FOCAD: variants seen among roughly 807,000 people sequenced by gnomAD.
FOCAD encodes the protein focadhesin.
FOCAD carries 198 observed loss-of-function variants against 225.6 expected under a neutral mutation model. The observed-to-expected ratio is 0.88, with a 90% CI of 0.78 to 0.99. The LOEUF is 0.99. FOCAD is among the 50% of genes least tolerant of loss of function. The pLI, the probability that FOCAD is intolerant of heterozygous loss-of-function variation, is 0.00. For synonymous variants in FOCAD, 897 were observed against 755.0 expected (o/e 1.19, Z -3.08); for missense variants, 2,713 against 2,123.6 (o/e 1.28, Z -5.46).
chr9:20,790,148 C>G (rs1820373404), intron 11 of FOCAD, among the ~76,000 whole-genome samples: 1 of 152,118 alleles, frequency 6.6e-6, no homozygotes, highest in African/African-American at 2.4e-5. Context: ...ATTTTTCTTC[C>G]TAACTGCACA....
chr9:20,988,446 T>C lies in FOCAD; in HGVS notation c.5004+17T>C, dbSNP rs1290062368. On this transcript the variant is annotated intron_variant, in intron 41 of 43. Transcript: ENST00000338382. ...CTTGACAAGGTAAAATCTAGAGGAG[T>C]AGTTTATAGCTTCCTTAAAATACAG... The C allele has an allele frequency of 7.1e-7, 1 of 1,416,026 alleles. No homozygotes were observed. Among genetic ancestry groups the C allele is most frequent in the African/African-American group, 1.4e-5 (1 of 70,088 alleles). 87.7% of individuals were successfully genotyped at this position (1,416,026 alleles called of 1,614,324 possible). A position where few individuals can be genotyped will look rare whatever the true frequency, so the allele number is the denominator to read the frequency against.
intron 35 of FOCAD, among the ~76,000 whole-genome samples, chr9:20,964,230 G>C (rs140933822): frequency 6.6e-6 from 1 of 152,044 alleles, no homozygotes; most frequent in African/African-American, 2.4e-5. Flanking sequence ...AGCCAGGTAT[G>C]GTGGTGCACA....
At chr9:20,720,583 A>G in intron 4 of FOCAD, 49 bp downstream of exon 4, 1 of 1,583,220 alleles carries the variant, frequency 6.3e-7, no homozygotes. Context: ...GTTTTTAGGA[A>G]AAAAATTCAC....
chr9:20,758,261 G>GTT (rs200543026), intron 6 of FOCAD, 70 bp downstream of exon 6: 9 of 1,028,260 alleles, frequency 8.8e-6, no homozygotes, highest in South Asian at 3.5e-5. Flanking sequence ...TAGAGCTAGG[G>GTT]TTTTTTTTTG....
intron 4 of FOCAD, among the ~76,000 whole-genome samples, chr9:20,735,814 A>C (rs1827113879): frequency 6.8e-6 from 1 of 147,880 alleles, no homozygotes; most frequent in South Asian, 2.2e-4. Context: ...ACGAGCCACT[A>C]TGCCTGGCCT....
chr9:20,967,899 A>G (rs932609287), intron 35 of FOCAD, among the ~76,000 whole-genome samples: 4 of 152,090 alleles, frequency 2.6e-5, no homozygotes, highest in Non-Finnish European at 5.9e-5. Flanking sequence ...TTTTGCATCT[A>G]TATTCATAAT....
At chr9:20,783,401 A>T (rs547361063) in intron 10 of FOCAD, among the ~76,000 whole-genome samples, 20 of 151,980 alleles carry the variant, frequency 1.3e-4, no homozygotes, top group Admixed American at 9.8e-4. Context: ...TCCTGCACCT[A>T]TCTGGAACTT....
intron 18 of FOCAD, among the ~76,000 whole-genome samples, chr9:20,873,052 T>G (rs910231400): frequency 4.6e-5 from 7 of 152,198 alleles, no homozygotes; most frequent in African/African-American, 1.7e-4. Context: ...TATATTTTGT[T>G]TATATATTCC....
intron 4 of FOCAD, among the ~76,000 whole-genome samples, chr9:20,733,138 G>A (rs1826854268): frequency 6.6e-6 from 1 of 152,084 alleles, no homozygotes; most frequent in South Asian, 2.1e-4. Flanking sequence ...GGGTACCTGT[G>A]TACCTCAAAC....
At chr9:20,781,050 G>T (rs1365228274) in intron 9 of FOCAD, among the ~76,000 whole-genome samples, 1 of 152,184 alleles carries the variant, frequency 6.6e-6, no homozygotes, top group East Asian at 1.9e-4. Flanking sequence ...GTAAATCAGG[G>T]TTAATTACAT....
chr9:20,767,830 T>C (rs1406952380), intron 7 of FOCAD, among the ~76,000 whole-genome samples: 4 of 151,042 alleles, frequency 2.6e-5, no homozygotes, highest in East Asian at 3.9e-4. Context: ...TTTAGTTTAA[T>C]TAGATCCCAT....
intron 11 of FOCAD, among the ~76,000 whole-genome samples, chr9:20,801,432 T>C (rs1040201952): frequency 2.6e-5 from 4 of 152,148 alleles, no homozygotes; most frequent in Admixed American, 6.5e-5. Context: ...TCCACCTGCC[T>C]TGGCCTCCCA....
intron 1 of FOCAD, among the ~76,000 whole-genome samples, chr9:20,706,483 T>C (rs1258358051): frequency 6.6e-6 from 1 of 152,226 alleles, no homozygotes; most frequent in African/African-American, 2.4e-5. Context: ...ACTTGAATTA[T>C]TGATCTTAAA....
chr9:20,675,653 GA>G (rs1188643592), intron 2 of FOCAD, among the ~76,000 whole-genome samples: 1 of 152,178 alleles, frequency 6.6e-6, no homozygotes. Context: ...GCCAAGCAAA[GA>G]AAGCTGTTTA....
intron 4 of FOCAD, among the ~76,000 whole-genome samples, chr9:20,724,313 T>C (rs1023361238): frequency 6.6e-6 from 1 of 152,238 alleles, no homozygotes; most frequent in African/African-American, 2.4e-5. Flanking sequence ...TTACAATAGA[T>C]AGTGTTTCAG....
chr9:20,920,687 A>G (rs1297476497), intron 24 of FOCAD, among the ~76,000 whole-genome samples: 1 of 151,760 alleles, frequency 6.6e-6, no homozygotes, highest in Non-Finnish European at 1.5e-5. Flanking sequence ...ATTGGAAATC[A>G]TCATTCTCAG....
At chr9:20,704,997 G>A (rs1301260586) in intron 1 of FOCAD, among the ~76,000 whole-genome samples, 1 of 152,142 alleles carries the variant, frequency 6.6e-6, no homozygotes. Context: ...AGACTACTTA[G>A]GTTGGAATTC....
At chr9:20,717,937 C>G (rs1422126458) in intron 3 of FOCAD, 69 bp downstream of exon 3, 33 of 1,200,274 alleles carry the variant, frequency 2.7e-5, no homozygotes, top group Non-Finnish European at 4.0e-5. Flanking sequence ...ACATATGCAC[C>G]TGTCTTGTTT....
At chr9:20,741,288 A>C (rs1341486498) in intron 5 of FOCAD, among the ~76,000 whole-genome samples, 1 of 152,120 alleles carries the variant, frequency 6.6e-6, no homozygotes, top group South Asian at 2.1e-4. Context: ...CAAAATACAG[A>C]GGGGTGTCTA....
Sources: allele counts gnomAD v4.1 joint callset (sites outside exome capture counted in the v4.1 genomes callset), GRCh38; gene constraint gnomAD v4.1.1; transcripts MANE v1.5; gene names NCBI Gene and HGNC (gene_info 2026-07-23, HGNC 2026-07-21).